The following FZR1 variants were observed in gnomAD, a reference collection of about 807,000 sequenced individuals.
FZR1 encodes fizzy and cell division cycle 20 related 1, also known as fizzy-related protein homolog.
Under a neutral mutation model 63.6 loss-of-function variants are expected in FZR1, and 11 were observed. That is an observed-to-expected ratio of 0.17 (90% CI 0.11 to 0.29). The LOEUF (loss-of-function observed/expected upper bound fraction) is 0.29. Ranked by LOEUF, FZR1 falls within the 10% of genes least tolerant of loss-of-function variation. FZR1 has a pLI of 1.00. For synonymous variants in FZR1, 328 were observed against 297.9 expected (o/e 1.10, Z -1.04); for missense variants, 440 against 687.5 (o/e 0.64, Z 4.03).
intron 7 of FZR1, among the ~76,000 whole-genome samples, chr19:3,529,725 T>TGGGAGAGCGGATGGGAGAGC (rs1568238035): frequency 0.036 from 2,481 of 68,598 alleles, 368 homozygotes; most frequent in African/African-American, 0.12. Context: ...GATGGGAGAG[T>TGGGAGAGCGGATGGGAGAGC]GGATGGGAGA....
In FZR1 at chr19:3,530,803, C is replaced by G; in HGVS notation, c.666C>G (p.Leu222=). ...WSACTSQVTR[L]CDLSVEGDSV... is the part of the protein sequence containing the mutation. Reference sequence around the variant, plus strand: ...ACCTCTGCCTCCAGGTGACGCGGCTCTGTGACCTCTCAGTGGAAGGGGACT... The same window carrying G: ...ACCTCTGCCTCCAGGTGACGCGGCTGTGTGACCTCTCAGTGGAAGGGGACT... The change falls in exon 8 of 14, where the codon CTC becomes CTG. Residue 222 remains leucine (L), a synonymous_variant. Transcript: ENST00000441788. 1.9e-6 allele frequency: 3 copies of G among 1,613,040 alleles called. No individual in the cohort carries two copies. Among genetic ancestry groups the G allele is most frequent in the Admixed American group, 3.3e-5 (2 of 59,976 alleles).
At chr19:3,522,853 C>A in intron 1 of FZR1, 103 bp from the exon 2 acceptor site, 1 of 705,500 alleles carries the variant, frequency 1.4e-6, no homozygotes, top group African/African-American at 1.7e-5. Flanking sequence ...CAGGAGGACC[C>A]CACAGTCACT....
At position 3,526,413 on chromosome 19, in the gene FZR1, G is replaced by A. The variant is rs1351692281; in HGVS notation, c.387+27G>A. 1.3e-6 allele frequency: 2 copies of A among 1,543,084 alleles called. No homozygotes were observed. The highest frequency in any genetic ancestry group is 2.4e-5 in the East Asian group (1 of 41,332). On this transcript the variant is annotated intron_variant, in intron 5 of 13. Coordinates refer to ENST00000441788, the MANE Select transcript of FZR1 (RefSeq NM_016263.4). The surrounding 1 kb of genome is among the most constrained non-coding windows in gnomAD (Gnocchi z 5.4). ...TAAGCCTGCGGCACCCCCCACCCGG[G>A]AGCTGGCTCCCAGTGCAGCCTCCCC...
At chr19:3,519,389 G>A (rs1364416700) in intron 1 of FZR1, among the ~76,000 whole-genome samples, 1 of 152,204 alleles carries the variant, frequency 6.6e-6, no homozygotes, top group South Asian at 2.1e-4. Context: ...AGTGCTGGGC[G>A]ACCTGCATGG....
chr19:3,522,826 G>C, intron 1 of FZR1, 130 bp from the exon 2 acceptor site: 1 of 640,018 alleles, frequency 1.6e-6, no homozygotes, highest in Non-Finnish European at 2.8e-6. Flanking sequence ...GCTGGCAGAA[G>C]ATCCCCACAG....
intron 8 of FZR1, 45 bp from the exon 9 acceptor site, chr19:3,531,669 G>A (rs772146001): frequency 1.1e-5 from 16 of 1,391,318 alleles, no homozygotes; most frequent in Middle Eastern, 4.1e-4. Flanking sequence ...CACAGTCCCC[G>A]GGCCAGACCT....
chr19:3,525,757 C>G lies in FZR1; in HGVS notation c.70-111C>G, dbSNP rs2083150234. The G allele has an allele frequency of 7.3e-7, 1 of 1,370,900 alleles. No individual in the cohort carries two copies. Among genetic ancestry groups the G allele is most frequent in the Non-Finnish European group, 9.9e-7 (1 of 1,007,230 alleles). 84.9% of individuals were successfully genotyped at this position (1,370,900 alleles called of 1,614,324 possible). On this transcript the variant is annotated intron_variant, in intron 2 of 13. Transcript: ENST00000441788. The surrounding 1 kb of genome is among the most constrained non-coding windows in gnomAD (Gnocchi z 4.2). The stretch of plus-strand genomic sequence containing the variant: ...GCGCCTGGCCCACCCCTTGGGTTTT[C>G]AAGATCAAAGCCCCCTTTGCTCAGT...
Position 3,525,609 on chromosome 19 carries a change from A to C in FZR1, c.70-259A>C, listed in dbSNP as rs1394631947. ...AGGCGCCTGCCACCACGCCCGGCTG[A>C]TTTTTTGTATTTTTAGTAGAGACGA... On this transcript the variant is annotated intron_variant, in intron 2 of 13. Coordinates refer to ENST00000441788, the MANE Select transcript of FZR1 (RefSeq NM_016263.4). The surrounding 1 kb of genome is among the most constrained non-coding windows in gnomAD (Gnocchi z 4.2). 6.6e-6 allele frequency among the ~76,000 whole-genome samples: 1 copy of C among 151,428 alleles called. No homozygotes were observed. Among genetic ancestry groups the C allele is most frequent in the Non-Finnish European group, 1.5e-5 (1 of 67,824 alleles).
rs141813342 is a variant in FZR1 at position 3,535,778 on chromosome 19, C to T, written c.*942C>T. 6.8e-4 allele frequency: 103 copies of T among 152,518 alleles called. 2 individuals are homozygous for T. The highest frequency in any genetic ancestry group is 3.9e-3 in the South Asian group (19 of 4,836). The allele number at this position is 152,518 out of a possible 1,614,324, so 9.4% of individuals were successfully genotyped here. On this transcript the variant is annotated 3_prime_UTR_variant, in exon 14 of 14. Transcript: ENST00000441788. Reference sequence around the variant, plus strand: ...TGGAGGCCAGCAGCGGTGTGGCCCCCGCCCCCAGGCTGCCTGTGTCTTCAC... The same window carrying T: ...TGGAGGCCAGCAGCGGTGTGGCCCCTGCCCCCAGGCTGCCTGTGTCTTCAC...
intron 10 of FZR1, 25 bp from the exon 11 acceptor site, chr19:3,532,392 C>A: frequency 6.4e-7 from 1 of 1,556,032 alleles, no homozygotes; most frequent in Non-Finnish European, 8.8e-7. Context: ...GGGACAGCCC[C>A]GGCCTCACAG....
At chr19:3,518,683 T>TAAG (rs2083076804) in intron 1 of FZR1, among the ~76,000 whole-genome samples, 2 of 152,156 alleles carry the variant, frequency 1.3e-5, no homozygotes, top group African/African-American at 4.8e-5. Context: ...TGGCAGCTAG[T>TAAG]TGTTGGGGGC....
intron 7 of FZR1, among the ~76,000 whole-genome samples, chr19:3,528,354 GGGT>G (rs2083183447): frequency 6.6e-6 from 1 of 152,240 alleles, no homozygotes; most frequent in Admixed American, 6.5e-5. Context: ...GGGAGAGCGA[GGGT>G]TGGCGCCCTC....
chr19:3,528,782 C>T (rs111902742), intron 7 of FZR1, among the ~76,000 whole-genome samples: 2 of 59,156 alleles, frequency 3.4e-5, no homozygotes, highest in Non-Finnish European at 6.8e-5. Flanking sequence ...TGGATGGGTG[C>T]GTGGATGGGA....
At chr19:3,534,271 G>T in intron 12 of FZR1, 150 bp from the exon 13 acceptor site, 9 of 466,942 alleles carry the variant, frequency 1.9e-5, no homozygotes, top group South Asian at 3.6e-5. Flanking sequence ...GTTTCTGCTT[G>T]TGGTGGCCCC....
In FZR1 at chr19:3,527,031, C is replaced by G; in HGVS notation, c.439C>G (p.Pro147Ala). The change falls in exon 6 of 14, where the codon CCC (proline) becomes GCC (alanine). Residue 147 changes from proline to alanine, a missense_variant. By Grantham distance (27) the Pro-to-Ala change is conservative. Transcript: ENST00000441788. ...CCCCGATGACGGCAACGATGTGTCT[C>G]CCTACTCCCTGTCTCCCGTCAGCAA... Reference protein sequence around the residue: ...SSPDDGNDVSPYSLSPVSNKS... With the variant: ...SSPDDGNDVSAYSLSPVSNKS... 1 of 1,612,266 alleles carries G rather than the reference C, an allele frequency of 6.2e-7. No homozygotes were observed. The highest frequency in any genetic ancestry group is 8.5e-7 in the Non-Finnish European group (1 of 1,179,232).
rs746851865 is a variant in FZR1 at position 3,526,410 on chromosome 19, C to T, written c.387+24C>T. The T allele has an allele frequency of 8.4e-6, 13 of 1,543,256 alleles. No homozygotes were observed. Among genetic ancestry groups the T allele is most frequent in the South Asian group, 4.7e-5 (4 of 85,032 alleles). On this transcript the variant is annotated intron_variant, in intron 5 of 13. Coordinates refer to ENST00000441788, the MANE Select transcript of FZR1 (RefSeq NM_016263.4). The surrounding 1 kb of genome is among the most constrained non-coding windows in gnomAD (Gnocchi z 5.4). ...CGGTAAGCCTGCGGCACCCCCCACC[C>T]GGGAGCTGGCTCCCAGTGCAGCCTC...
intron 13 of FZR1, 83 bp from the exon 14 acceptor site, chr19:3,534,712 G>GC: frequency 9.3e-6 from 12 of 1,288,614 alleles, no homozygotes; most frequent in Non-Finnish European, 1.4e-5. Flanking sequence ...TCAGGACCAA[G>GC]CCCCAAAGCC....
rs878929879 is a variant in FZR1 at position 3,533,537 on chromosome 19, G to T, written c.1347+139G>T. 4 of 620,552 alleles carry T rather than the reference G, an allele frequency of 6.4e-6. No homozygotes were observed. The African/African-American group carries it at 7.3e-5, about 11-fold the overall frequency. The allele number at this position is 620,552 out of a possible 1,614,324, so 38.4% of individuals were successfully genotyped here. A position where few individuals can be genotyped will look rare whatever the true frequency, so the allele number is the denominator to read the frequency against. ...CCCGTGGGACCCAGCAGCAGGGGCC[G>T]GCAGGGCATCTGGTGCTGGTTGTGT... On this transcript the variant is annotated intron_variant, in intron 12 of 13. Transcript: ENST00000441788. The surrounding 1 kb of genome is among the most constrained non-coding windows in gnomAD (Gnocchi z 4.9).
At chr19:3,528,100 C>A (rs1215590885) in intron 7 of FZR1, among the ~76,000 whole-genome samples, 1 of 152,176 alleles carries the variant, frequency 6.6e-6, no homozygotes. Context: ...GCATCTGCGG[C>A]AGCATGGGGT....
Sources: gnomAD v4.1 joint callset for allele counts (sites outside exome capture counted in the v4.1 genomes callset) on GRCh38, gnomAD v4.1.1 for gene constraint, Gnocchi (gnomAD v3.1) non-coding constraint, MANE v1.5 for transcripts, NCBI Gene and HGNC (gene_info 2026-07-23, HGNC 2026-07-21) for gene names.